CAMK2D: variants seen among roughly 807,000 people sequenced by gnomAD.
The protein encoded by CAMK2D is calcium/calmodulin-dependent protein kinase type II subunit delta.
CAMK2D carries 37 observed loss-of-function variants against 84.0 expected under a neutral mutation model. The ratio of observed to expected loss-of-function variants is 0.44; its 90% CI spans 0.34 to 0.58. CAMK2D has a LOEUF of 0.58. CAMK2D is among the 20% of genes least tolerant of loss of function. The probability of loss-of-function intolerance (pLI) is 0.02; values close to 1 mark genes in which losing one functional copy is unlikely to be tolerated. For missense variants in CAMK2D, 448 were observed against 652.5 expected (o/e 0.69, Z 3.41); for synonymous variants, 202 against 212.5 (o/e 0.95, Z 0.43).
intron 16 of CAMK2D, among the ~76,000 whole-genome samples, chr4:113,495,445 C>T (rs2154144294): frequency 6.6e-6 from 1 of 152,262 alleles, no homozygotes; most frequent in African/African-American, 2.4e-5. Context: ...GGAAATCCCA[C>T]ACAGAAAAGA....
chr4:113,760,815 G>A (rs1485401519), intron 1 of CAMK2D, among the ~76,000 whole-genome samples, 189 bp downstream of exon 1: 1 of 151,984 alleles, frequency 6.6e-6, no homozygotes, highest in African/African-American at 2.4e-5. Context: ...TTGGAGTAAG[G>A]GTCCTACCCC....
intron 19 of CAMK2D, 97 bp downstream of exon 19, chr4:113,457,238 G>A (rs374478198): frequency 2.1e-4 from 309 of 1,504,148 alleles, no homozygotes; most frequent in Non-Finnish European, 1.3e-4. Flanking sequence ...AACTACTAGC[G>A]TTAAATAACA....
At chr4:113,611,141 G>A (rs1236546934) in intron 3 of CAMK2D, among the ~76,000 whole-genome samples, 1 of 152,102 alleles carries the variant, frequency 6.6e-6, no homozygotes, top group Non-Finnish European at 1.5e-5. Flanking sequence ...TTAATGGTGT[G>A]AAAGGTATTC....
At chr4:113,745,023 T>C (rs1308847850) in intron 2 of CAMK2D, among the ~76,000 whole-genome samples, 2 of 152,184 alleles carry the variant, frequency 1.3e-5, no homozygotes, top group Non-Finnish European at 2.9e-5. Flanking sequence ...TCAGCCCTCC[T>C]GCCACATCTG....
chr4:113,473,322 G>T (rs796309525), intron 16 of CAMK2D, among the ~76,000 whole-genome samples: 4 of 152,250 alleles, frequency 2.6e-5, no homozygotes, highest in African/African-American at 9.6e-5. Context: ...ACAGAAAAAG[G>T]TGCCTATCAA....
intron 3 of CAMK2D, among the ~76,000 whole-genome samples, chr4:113,653,672 C>CTACTCTT (rs1157778413): frequency 6.6e-6 from 1 of 152,038 alleles, no homozygotes; most frequent in Non-Finnish European, 1.5e-5. Context: ...TGCATTAACT[C>CTACTCTT]TACTCTTCTT....
At chr4:113,611,384 T>C (rs994844822) in intron 3 of CAMK2D, among the ~76,000 whole-genome samples, 14 of 152,158 alleles carry the variant, frequency 9.2e-5, no homozygotes, top group African/African-American at 2.9e-4. Context: ...TGGCATGGCT[T>C]CTTAAAGAAC....
At chr4:113,721,016 C>A (rs1400150665) in intron 2 of CAMK2D, among the ~76,000 whole-genome samples, 1 of 152,066 alleles carries the variant, frequency 6.6e-6, no homozygotes, top group African/African-American at 2.4e-5. Context: ...CTGAAATACA[C>A]ATAAAAAACT....
At chr4:113,566,883 G>T (rs1440656853) in intron 4 of CAMK2D, among the ~76,000 whole-genome samples, 1 of 152,144 alleles carries the variant, frequency 6.6e-6, no homozygotes, top group East Asian at 1.9e-4. Context: ...GAACTAAAAT[G>T]ATTTGCTGGG....
chr4:113,747,152 G>T (rs960244253), intron 2 of CAMK2D, among the ~76,000 whole-genome samples: 2 of 151,888 alleles, frequency 1.3e-5, no homozygotes, highest in Non-Finnish European at 2.9e-5. Context: ...CCTTGCTAGG[G>T]AGGCTAAATA....
At chr4:113,594,841 G>T (rs181218557) in intron 4 of CAMK2D, among the ~76,000 whole-genome samples, 1 of 152,282 alleles carries the variant, frequency 6.6e-6, no homozygotes, top group African/African-American at 2.4e-5. Context: ...TGTGTAATGG[G>T]AATAGTGGAA....
At chr4:113,694,641 G>A (rs1180661855) in intron 2 of CAMK2D, among the ~76,000 whole-genome samples, 1 of 152,036 alleles carries the variant, frequency 6.6e-6, no homozygotes, top group Non-Finnish European at 1.5e-5. Context: ...CCTTTGCTGT[G>A]CACTCTATCT....
chr4:113,668,905 T>C (rs2099268428), intron 2 of CAMK2D, among the ~76,000 whole-genome samples: 2 of 152,330 alleles, frequency 1.3e-5, no homozygotes, highest in South Asian at 4.1e-4. Context: ...GAAACATCTC[T>C]TCTGATTAAT....
chr4:113,512,999 C>G (rs1047020431), intron 12 of CAMK2D: 1 of 156,360 alleles, frequency 6.4e-6, no homozygotes, highest in African/African-American at 2.4e-5. Context: ...ACGCTGAGAT[C>G]GTAAATGAGG....
intron 2 of CAMK2D, among the ~76,000 whole-genome samples, chr4:113,680,166 AT>A (rs2099338002): frequency 6.6e-6 from 1 of 152,124 alleles, no homozygotes; most frequent in African/African-American, 2.4e-5. Flanking sequence ...CATTGTTCAG[AT>A]TCTATGGAAG....
At chr4:113,509,780 T>G (rs2098185620) in intron 12 of CAMK2D, 105 bp from the exon 13 acceptor site, 1 of 785,006 alleles carries the variant, frequency 1.3e-6, no homozygotes, top group Admixed American at 2.1e-5. Context: ...TTTGCTGAGT[T>G]CTGGCCAACA....
intron 3 of CAMK2D, among the ~76,000 whole-genome samples, chr4:113,629,221 A>C (rs545206786): frequency 1.1e-4 from 16 of 152,248 alleles, no homozygotes; most frequent in African/African-American, 3.6e-4. Flanking sequence ...TTTAGAAACT[A>C]CTAATGTAAT....
intron 8 of CAMK2D, among the ~76,000 whole-genome samples, chr4:113,520,440 T>G (rs895919404): frequency 6.6e-6 from 1 of 151,930 alleles, no homozygotes; most frequent in Admixed American, 6.6e-5. Flanking sequence ...TAAAATAAAA[T>G]AAAAGTGTTT....
intron 4 of CAMK2D, among the ~76,000 whole-genome samples, chr4:113,587,433 T>C (rs1461075979): frequency 6.6e-6 from 1 of 152,170 alleles, no homozygotes; most frequent in Admixed American, 6.6e-5. Context: ...CTTATTCACA[T>C]AGTTAGGTTT....
Sources: gnomAD v4.1 joint callset for allele counts (sites outside exome capture counted in the v4.1 genomes callset) on GRCh38, gnomAD v4.1.1 for gene constraint, MANE v1.5 for transcripts, NCBI Gene and HGNC (gene_info 2026-07-23, HGNC 2026-07-21) for gene names.